DNAH5: variants seen among roughly 807,000 people sequenced by gnomAD.
The protein encoded by DNAH5 is axonemal beta dynein heavy chain 5.
Under a neutral mutation model 518.2 loss-of-function variants are expected in DNAH5, and 372 were observed. That is an observed-to-expected ratio of 0.72 (90% CI 0.66 to 0.78). DNAH5 has a LOEUF of 0.78. Ranked by LOEUF, DNAH5 falls within the 30% of genes least tolerant of loss-of-function variation. The probability of loss-of-function intolerance (pLI) is 0.00; values close to 1 mark genes in which losing one functional copy is unlikely to be tolerated. For missense variants in DNAH5, 5,523 were observed against 5,687.0 expected (o/e 0.97, Z 0.93); for synonymous variants, 2,039 against 2,025.9 (o/e 1.01, Z -0.17).
chr5:13,870,211 T>C (rs1386064253), intron 24 of DNAH5, among the ~76,000 whole-genome samples: 8 of 152,150 alleles, frequency 5.3e-5, no homozygotes, highest in African/African-American at 1.4e-4. Context: ...ATGGACACTG[T>C]TAACGCCCCA....
chr5:13,810,137 G>A lies in DNAH5; in HGVS notation c.7531C>T (p.Arg2511Trp), dbSNP rs564040169. 7.2e-5 allele frequency: 112 copies of A among 1,549,434 alleles called. No individual in the cohort carries two copies. The African/African-American group carries it at 1.2e-3, about 17-fold the overall frequency. ...GGCAGCTCCAGCGTCCCTGTGGGCC[G>A]AGAGCGCAGCCAGAGCTCCAGGCGG... Reference protein sequence around the residue: ...RRRLELWLRSRPTGTLELPPP... With the variant: ...RRRLELWLRSWPTGTLELPPP... Residue 2511 changes from arginine to tryptophan, a missense_variant, in exon 45 of 79, where the codon CGG (arginine) becomes TGG (tryptophan). Arg to Trp is a moderately radical substitution (Grantham distance 101). Coordinates refer to ENST00000265104, the MANE Select transcript of DNAH5 (RefSeq NM_001369.3).
At position 13,776,534 on chromosome 5, in the gene DNAH5, T is replaced by TC. The variant is rs1754109613; in HGVS notation, c.9277dup (p.Glu3093GlyfsTer20). On this transcript the variant is annotated frameshift_variant, in exon 55 of 79. Transcript: ENST00000265104. LOFTEE classifies it high-confidence loss of function. ...CTTCAAAGCTCTGTTTCGAAATTTC[T>TC]CCCCCACTGGCGAGAAGCAGAGCAC... 1 of 1,613,698 alleles carries TC rather than the reference T, an allele frequency of 6.2e-7. No homozygotes were observed. The highest frequency in any genetic ancestry group is 8.5e-7 in the Non-Finnish European group (1 of 1,179,848).
At chr5:13,874,536 G>A (rs964857108) in intron 22 of DNAH5, among the ~76,000 whole-genome samples, 4 of 149,718 alleles carry the variant, frequency 2.7e-5, no homozygotes, top group South Asian at 2.1e-4. Flanking sequence ...TTTTTTTTTC[G>A]AGACAAAGTC....
chr5:13,792,060 T>A lies in DNAH5; in HGVS notation c.8382A>T (p.Leu2794=), dbSNP rs371252551. ...CCTGCCAGACCCGAGAAAGATCTCG[T>A]AGGTTAAACACATAATGGAATTTTG... ...TPAKFHYVFN[L]RDLSRVWQGM... The change falls in exon 50 of 79, where the codon CTA becomes CTT. Residue 2794 remains leucine, a synonymous_variant. Transcript: ENST00000265104. The A allele has an allele frequency of 6.2e-7, 1 of 1,613,994 alleles. No homozygotes were observed.
chr5:13,757,508 G>T (rs1362220446), intron 61 of DNAH5, among the ~76,000 whole-genome samples: 3 of 151,964 alleles, frequency 2.0e-5, no homozygotes, highest in African/African-American at 7.3e-5. Context: ...GTCTTTTTTT[G>T]AAAAGTGTCT....
intron 31 of DNAH5, among the ~76,000 whole-genome samples, chr5:13,846,001 T>A (rs1054350973): frequency 7.6e-5 from 7 of 92,490 alleles, no homozygotes; most frequent in Non-Finnish European, 1.3e-4. Flanking sequence ...CAGCTAATAT[T>A]TTTTTTTTTT....
At chr5:13,981,786 G>A (rs1241906201) in intron 1 of DNAH5, among the ~76,000 whole-genome samples, 1 of 152,158 alleles carries the variant, frequency 6.6e-6, no homozygotes. Flanking sequence ...CGGTCAAGGA[G>A]GGGAAAGAAG....
intron 1 of DNAH5, among the ~76,000 whole-genome samples, chr5:14,004,957 C>T (rs1784618643): frequency 6.6e-6 from 1 of 152,164 alleles, no homozygotes; most frequent in Admixed American, 6.5e-5. Flanking sequence ...AACCATCCCA[C>T]GCATGCTTCC....
At chr5:13,928,963 G>C (rs1356798944) in intron 2 of DNAH5, among the ~76,000 whole-genome samples, 1 of 152,162 alleles carries the variant, frequency 6.6e-6, no homozygotes, top group East Asian at 1.9e-4. Flanking sequence ...AAATAGAATT[G>C]CCACATGATC....
chr5:13,915,329 C>T (rs914708952), intron 9 of DNAH5, among the ~76,000 whole-genome samples: 4 of 152,106 alleles, frequency 2.6e-5, no homozygotes, highest in African/African-American at 4.8e-5. Flanking sequence ...TTCCAGTATA[C>T]GATTCTCTCC....
chr5:13,964,977 G>A (rs375454524), intron 1 of DNAH5, among the ~76,000 whole-genome samples: 2 of 152,072 alleles, frequency 1.3e-5, no homozygotes, highest in Admixed American at 6.6e-5. Flanking sequence ...ACTGTGTTCC[G>A]TGAAAAATCC....
chr5:13,876,822 A>G lies in DNAH5; in HGVS notation c.3263-5T>C, dbSNP rs777699795. 35 of 1,612,922 alleles carry G rather than the reference A, an allele frequency of 2.2e-5. No individual in the cohort carries two copies. Among genetic ancestry groups the G allele is most frequent in the Admixed American group, 6.7e-5 (4 of 59,916 alleles). On this transcript the variant is annotated splice_region_variant and splice_polypyrimidine_tract_variant and intron_variant, in intron 21 of 78. Transcript: ENST00000265104. ...CAGATGCTATCTCCAAGGTATCTAA[A>G]AAGAAAAAAAGAAGAGAAAACTTTA... is the stretch of plus-strand genomic sequence containing the variant.
At position 13,916,337 on chromosome 5, in the gene DNAH5, C is replaced by A; in HGVS notation, c.1197+11G>T. ...ATACAAATGAACATGGACTCTACAT[C>A]ATGCACTTACCTTTACAAACAGAGA... On this transcript the variant is annotated intron_variant, in intron 9 of 78. Coordinates refer to ENST00000265104, the MANE Select transcript of DNAH5 (RefSeq NM_001369.3). 1 of 1,347,928 alleles carries A rather than the reference C, an allele frequency of 7.4e-7. No individual in the cohort carries two copies. Among genetic ancestry groups the A allele is most frequent in the African/African-American group, 1.4e-5 (1 of 69,670 alleles). 83.5% of individuals were successfully genotyped at this position (1,347,928 alleles called of 1,614,324 possible). A position where few individuals can be genotyped will look rare whatever the true frequency, so the allele number is the denominator to read the frequency against.
intron 78 of DNAH5, among the ~76,000 whole-genome samples, chr5:13,693,440 C>G (rs1055958511): frequency 6.6e-6 from 1 of 152,200 alleles, no homozygotes; most frequent in African/African-American, 2.4e-5. Context: ...TTTTACATAT[C>G]CACTATAAAT....
chr5:13,850,748 G>A lies in DNAH5; in HGVS notation c.5018C>T (p.Pro1673Leu), dbSNP rs1323279810. The change falls in exon 31 of 79, where the codon CCC becomes CTC. Residue 1673 changes from proline (P) to leucine (L), a missense_variant. Physicochemically the swap from Pro to Leu is moderately conservative, Grantham distance 98. This residue lies in a region of DNAH5 where 5,121 missense variants were observed against 5,223.3 expected (regional missense o/e 0.98). Transcript: ENST00000265104. ...TCCAACACAGCACTGGACTACACTG[G>A]GCACTTCATGTGCCCGAGTCATGAT... ...VKIMTRAHEV[P>L]SVVQCCVGDE... 1 of 1,614,064 alleles carries A rather than the reference G, an allele frequency of 6.2e-7. No individual in the cohort carries two copies. Among genetic ancestry groups the A allele is most frequent in the Non-Finnish European group, 8.5e-7 (1 of 1,179,974 alleles).
In DNAH5 at chr5:13,762,806, T is replaced by C. The variant is rs756720477; in HGVS notation, c.10197A>G (p.Val3399=). The change falls in exon 60 of 79, where the codon GTA becomes GTG. Residue 3399 remains valine, a synonymous_variant. Transcript: ENST00000265104. ...AACAAAGACCAGCTACATTTCCACA[T>C]ACGCGTTTAGCAGTTTCGATGTTAT... is the stretch of plus-strand genomic sequence containing the variant. ...PDYNIETAKR[V]CGNVAGLCSW... The C allele has an allele frequency of 6.2e-7, 1 of 1,614,170 alleles. No homozygotes were observed. The highest frequency in any genetic ancestry group is 8.5e-7 in the Non-Finnish European group (1 of 1,179,974).
At chr5:13,775,219 C>T (rs1753914117) in intron 55 of DNAH5, among the ~76,000 whole-genome samples, 2 of 148,110 alleles carry the variant, frequency 1.4e-5, no homozygotes, top group African/African-American at 5.0e-5. Flanking sequence ...TTTTCTCAAA[C>T]TTCTAAGACA....
chr5:13,720,540 G>A (rs927712198), intron 71 of DNAH5, among the ~76,000 whole-genome samples: 8 of 152,006 alleles, frequency 5.3e-5, no homozygotes, highest in Non-Finnish European at 1.2e-4. Flanking sequence ...AGGCCACCAC[G>A]TCCAGTTAAT....
chr5:13,811,484 T>A lies in DNAH5; in HGVS notation c.7407+163A>T, dbSNP rs142999944. 4.1e-3 allele frequency among the ~76,000 whole-genome samples: 617 copies of A among 152,324 alleles called. 3 individuals carry two copies. The highest frequency in any genetic ancestry group is 0.014 in the African/African-American group (593 of 41,574). On this transcript the variant is annotated intron_variant, in intron 44 of 78. Coordinates refer to ENST00000265104, the MANE Select transcript of DNAH5 (RefSeq NM_001369.3). ...AATAAGTATATATGTGGGATCCATGTTTGAAATATTCCCCCTCCCCAACAG... is the reference window on the plus strand; with the variant it reads ...AATAAGTATATATGTGGGATCCATGATTGAAATATTCCCCCTCCCCAACAG...
Sources: allele counts gnomAD v4.1 joint callset (sites outside exome capture counted in the v4.1 genomes callset), GRCh38; gene constraint gnomAD v4.1.1; regional missense constraint gnomAD v4.1.1; transcripts MANE v1.5; gene names NCBI Gene and HGNC (gene_info 2026-07-23, HGNC 2026-07-21).